The following SSC4D variants were observed in gnomAD, a reference collection of about 807,000 sequenced individuals.
SSC4D encodes scavenger receptor cysteine rich family member with 4 domains.
In SSC4D, 57 loss-of-function variants were observed where a neutral mutation model predicts 63.4. That is an observed-to-expected ratio of 0.90 (90% confidence interval 0.73 to 1.12). The LOEUF is 1.12. Ranked by LOEUF, SSC4D falls within the 50% of genes most tolerant of loss-of-function variation. The pLI, the probability that SSC4D is intolerant of heterozygous loss-of-function variation, is 0.00. For synonymous variants in SSC4D, 352 were observed against 345.4 expected (o/e 1.02, Z -0.21); for missense variants, 791 against 806.4 (o/e 0.98, Z 0.23).
chr7:76,400,248 AGTCT>A, intron 4 of SSC4D, 34 bp downstream of exon 4: 2 of 1,431,538 alleles, frequency 1.4e-6, no homozygotes, highest in Non-Finnish European at 1.8e-6. Context: ...TGCCTGCCAC[AGTCT>A]GTCTGTCCCT....
At chr7:76,403,193 A>C (rs113571521) in intron 2 of SSC4D, among the ~76,000 whole-genome samples, 351 of 152,270 alleles carry the variant, frequency 2.3e-3, no homozygotes, top group African/African-American at 8.1e-3. Context: ...GGAAACAGGG[A>C]AGTGAAATTT....
intron 2 of SSC4D, among the ~76,000 whole-genome samples, chr7:76,404,103 C>T (rs1417247275): frequency 5.9e-5 from 9 of 152,122 alleles, no homozygotes; most frequent in Non-Finnish European, 1.0e-4. Context: ...TCCATGGGTG[C>T]GTTTACCTGT....
rs748110203 is a variant in SSC4D, at chr7:76,397,646, C to A, written c.740G>T (p.Gly247Val). ...GTTGTCCAGCAGGATGTGTCCGGTG[C>A]CATAGCCGAAGAAGGCGTTGGTGGT... ...AATTNAFFGY[G>V]TGHILLDNVH... The change falls in exon 6 of 11, where the codon GGC (glycine) becomes GTC (valine). Residue 247 changes from glycine to valine, a missense_variant. Gly to Val is a moderately radical substitution (Grantham distance 109). Transcript: ENST00000275560. 1 of 1,613,760 alleles carries A rather than the reference C, an allele frequency of 6.2e-7. No individual in the cohort carries two copies. Among genetic ancestry groups the A allele is most frequent in the South Asian group, 1.1e-5 (1 of 91,080 alleles).
At position 76,395,288 on chromosome 7, in the gene SSC4D, G is replaced by A. The variant is rs1804610791; in HGVS notation, c.911C>T (p.Thr304Ile). The A allele has an allele frequency of 6.2e-7, 1 of 1,613,950 alleles. No individual in the cohort carries two copies. Among genetic ancestry groups the A allele is most frequent in the South Asian group, 1.1e-5 (1 of 91,064 alleles). ...TGTCTGCCAAGCCCAGTCCTCTCTT[G>A]TGGCTGAGGATGGCAGTGCTGTGAG... ...PTLTALPSSA[T>I]REDWAWQTDP... Residue 304 changes from threonine to isoleucine, a missense_variant, in exon 7 of 11, where the codon ACA becomes ATA. Transcript: ENST00000275560.
chr7:76,397,834 T>C lies in SSC4D; in HGVS notation c.554-2A>G. On this transcript the variant is annotated splice_acceptor_variant, in intron 5 of 10. Transcript: ENST00000275560. LOFTEE classifies it high-confidence loss of function. ...CTACCAGGCGTACGCTGCCCTCACC[T>C]GGGGATGGGGGCGGGGGTCAGGGCG... 1 of 1,558,220 alleles carries C rather than the reference T, an allele frequency of 6.4e-7. No homozygotes were observed. Among genetic ancestry groups the C allele is most frequent in the Non-Finnish European group, 8.7e-7 (1 of 1,148,828 alleles).
chr7:76,395,388 C>G (rs1317972206), intron 6 of SSC4D, 58 bp from the exon 7 acceptor site: 14 of 1,557,950 alleles, frequency 9.0e-6, no homozygotes, highest in Non-Finnish European at 1.2e-5. Context: ...TCTGGTCAGC[C>G]ATGGGCTGTC....
At position 76,400,292 on chromosome 7, in the gene SSC4D, A is replaced by C; in HGVS notation, c.469T>G (p.Cys157Gly). 6 of 1,478,288 alleles carry C rather than the reference A, an allele frequency of 4.1e-6. No homozygotes were observed. Among genetic ancestry groups the C allele is most frequent in the Non-Finnish European group, 5.4e-6 (6 of 1,110,720 alleles). 91.6% of individuals were successfully genotyped at this position (1,478,288 alleles called of 1,614,324 possible). A position where few individuals can be genotyped will look rare whatever the true frequency, so the allele number is the denominator to read the frequency against. The part of the protein sequence containing the change: ...CFHYEDVAVL[C>G]DEFLPTQPPT... ...GTCCCAGGGCTCCACTCACCATCAC[A>C]CAGGACAGCCACATCCTCGTAGTGA... The change falls in exon 4 of 11, where the codon TGT (cysteine) becomes GGT (glycine). Residue 157 changes from cysteine (C) to glycine (G), a missense_variant. By Grantham distance (159) the Cys-to-Gly change is radical. Coordinates refer to ENST00000275560, the MANE Select transcript of SSC4D (RefSeq NM_080744.2).
intron 1 of SSC4D, among the ~76,000 whole-genome samples, chr7:76,406,222 C>T (rs1345167872): frequency 1.3e-5 from 2 of 152,130 alleles, no homozygotes; most frequent in Non-Finnish European, 1.5e-5. Flanking sequence ...AGGTGATCCA[C>T]GCGCCTCAGC....
chr7:76,398,299 T>C lies in SSC4D; in HGVS notation c.553+421A>G, dbSNP rs544600552. 1.6e-4 allele frequency among the ~76,000 whole-genome samples: 23 copies of C among 147,982 alleles called. 1 individual carries two copies. The East Asian group carries it at 3.3e-3, about 21-fold the overall frequency. ...GATTAAGCTCCAGTCTCACCGCCCATTCATTTTCTATTTTTTTTTTTTTTT... is the reference window on the plus strand; with the variant it reads ...GATTAAGCTCCAGTCTCACCGCCCACTCATTTTCTATTTTTTTTTTTTTTT... On this transcript the variant is annotated intron_variant, in intron 5 of 10. Transcript: ENST00000275560.
chr7:76,405,331 C>CTTT (rs1207800001), intron 1 of SSC4D, among the ~76,000 whole-genome samples: 1 of 26,390 alleles, frequency 3.8e-5, no homozygotes, highest in East Asian at 1.5e-3. Context: ...TTTTTTCTTT[C>CTTT]TTTCTTTCTT....
chr7:76,396,124 C>CA (rs1282981282), intron 6 of SSC4D, among the ~76,000 whole-genome samples: 1 of 151,996 alleles, frequency 6.6e-6, no homozygotes, highest in Admixed American at 6.5e-5. Context: ...AGTGAAAAAA[C>CA]AAAAAACAAA....
rs993701427 is a variant in SSC4D at position 76,394,012 on chromosome 7, C to T, written c.947-108G>A. On this transcript the variant is annotated intron_variant, in intron 7 of 10. Coordinates refer to ENST00000275560, the MANE Select transcript of SSC4D (RefSeq NM_080744.2). ...GACCCCCAACCCTACCACACCCGTA[C>T]CCCCACTCAGCTGCAACCCCAGAGT... 5 of 1,126,312 alleles carry T rather than the reference C, an allele frequency of 4.4e-6. No individual in the cohort carries two copies. The African/African-American group carries it at 4.8e-5, about 11-fold the overall frequency. The allele number at this position is 1,126,312 out of a possible 1,614,324, so 69.8% of individuals were successfully genotyped here.
intron 1 of SSC4D, among the ~76,000 whole-genome samples, chr7:76,408,917 A>G (rs759779193): frequency 6.6e-6 from 1 of 152,094 alleles, no homozygotes; most frequent in Non-Finnish European, 1.5e-5. Flanking sequence ...CAGCTCCACC[A>G]TCTCCTAGCT....
chr7:76,393,163 T>C (rs1294333469), intron 9 of SSC4D, among the ~76,000 whole-genome samples: 1 of 152,018 alleles, frequency 6.6e-6, no homozygotes, highest in Non-Finnish European at 1.5e-5. Context: ...CCCTCACAGC[T>C]GCACCACGCG....
intron 5 of SSC4D, among the ~76,000 whole-genome samples, chr7:76,398,145 C>T (rs1804700939): frequency 6.6e-6 from 1 of 151,782 alleles, no homozygotes; most frequent in African/African-American, 2.4e-5. Flanking sequence ...TCCCTGATCT[C>T]CTGAGGAACG....
intron 5 of SSC4D, 128 bp downstream of exon 5, chr7:76,398,592 A>G (rs1804716049): frequency 1.8e-6 from 2 of 1,091,924 alleles, no homozygotes; most frequent in Non-Finnish European, 2.7e-6. Context: ...GGTGTGAGCC[A>G]CCATGCCCAG....
chr7:76,391,228 G>A (rs1407847218), intron 10 of SSC4D, among the ~76,000 whole-genome samples: 2 of 152,222 alleles, frequency 1.3e-5, no homozygotes, highest in East Asian at 1.9e-4. Context: ...GAGGTCAGGA[G>A]TTCGTGACCA....
intron 6 of SSC4D, among the ~76,000 whole-genome samples, chr7:76,396,634 C>T (rs188293740): frequency 6.6e-6 from 1 of 152,356 alleles, no homozygotes; most frequent in East Asian, 1.9e-4. Context: ...GCCTGCCTTG[C>T]ATTAACTGTG....
Position 76,395,465 on chromosome 7 carries a change from C to T in SSC4D, c.869-135G>A, listed in dbSNP as rs563985532. 137 of 840,052 alleles carry T rather than the reference C, an allele frequency of 1.6e-4. No homozygotes were observed. In the Admixed American group the frequency reaches 3.1e-3, roughly 19 times the overall value. 52.0% of individuals were successfully genotyped at this position (840,052 alleles called of 1,614,324 possible). A position where few individuals can be genotyped will look rare whatever the true frequency, so the allele number is the denominator to read the frequency against. On this transcript the variant is annotated intron_variant, in intron 6 of 10. Transcript: ENST00000275560. ...TTACTTCCAGGGCTGGTGGCCCAGC[C>T]GCAGCGGGGTTCCAAGGAGGCCTGT... is the stretch of plus-strand genomic sequence containing the variant.
Sources: gnomAD v4.1 joint callset for allele counts (sites outside exome capture counted in the v4.1 genomes callset) on GRCh38, gnomAD v4.1.1 for gene constraint, MANE v1.5 for transcripts, NCBI Gene and HGNC (gene_info 2026-07-23, HGNC 2026-07-21) for gene names.